The following LRFN2 variants were observed in gnomAD, a reference collection of about 807,000 sequenced individuals.
The protein encoded by LRFN2 is leucine rich repeat and fibronectin type III domain containing 2.
In LRFN2, 18 loss-of-function variants were observed where a neutral mutation model predicts 37.3. That is an observed-to-expected ratio of 0.48 (90% confidence interval 0.33 to 0.72). The LOEUF (loss-of-function observed/expected upper bound fraction) is 0.72. Among genes scored for constraint, LRFN2 ranks in the 30% least tolerant of loss-of-function variants. The pLI, the probability that LRFN2 is intolerant of heterozygous loss-of-function variation, is 0.02. For synonymous variants in LRFN2, 556 were observed against 466.6 expected, an observed-to-expected ratio of 1.19 and a Z score of -2.47; for missense variants, 1,006 against 1,060.7, an observed-to-expected ratio of 0.95 and a Z score of 0.72.
intron 1 of LRFN2, among the ~76,000 whole-genome samples, chr6:40,494,671 A>T (rs1765181111): frequency 6.6e-6 from 1 of 151,974 alleles, no homozygotes; most frequent in Non-Finnish European, 1.5e-5. Flanking sequence ...TCTCTTCAAC[A>T]TCCCCTCACA....
At chr6:40,507,585 G>A (rs1765578911) in intron 1 of LRFN2, among the ~76,000 whole-genome samples, 2 of 152,170 alleles carry the variant, frequency 1.3e-5, no homozygotes, top group African/African-American at 4.8e-5. Context: ...TTTAAGGTTG[G>A]GCAGGCCGTT....
chr6:40,529,408 G>T (rs1228166580), intron 1 of LRFN2, among the ~76,000 whole-genome samples: 1 of 152,158 alleles, frequency 6.6e-6, no homozygotes, highest in East Asian at 1.9e-4. Context: ...TTAAATTTGT[G>T]GACCAAACTG....
chr6:40,557,976 G>A lies in LRFN2; in HGVS notation c.-19+28965C>T, dbSNP rs1766921882. ...GGTTTTGCTGTTACCTGGTTTCTAA[G>A]TTTTGGGCAAGGATTCGCTTGTCCA... On this transcript the variant is annotated intron_variant, in intron 1 of 2. Transcript: ENST00000338305. 2.0e-5 allele frequency among the ~76,000 whole-genome samples: 3 copies of A among 152,194 alleles called. No individual in the cohort carries two copies. In the South Asian group the frequency reaches 6.2e-4, roughly 32 times the overall value.
chr6:40,488,486 T>C (rs1478829239), intron 1 of LRFN2, among the ~76,000 whole-genome samples: 1 of 152,116 alleles, frequency 6.6e-6, no homozygotes, highest in Non-Finnish European at 1.5e-5. Flanking sequence ...GAAGCCTTCC[T>C]GGACCTCTTG....
At chr6:40,504,022 G>T (rs555693427) in intron 1 of LRFN2, among the ~76,000 whole-genome samples, 1 of 152,068 alleles carries the variant, frequency 6.6e-6, no homozygotes, top group Admixed American at 6.5e-5. Flanking sequence ...TAGGAGGGTC[G>T]CCAGAGGGCT....
chr6:40,525,505 C>T (rs1479962071), intron 1 of LRFN2, among the ~76,000 whole-genome samples: 1 of 152,196 alleles, frequency 6.6e-6, no homozygotes. Context: ...ATCCCCAGTT[C>T]CAGCCGGCCT....
intron 2 of LRFN2, among the ~76,000 whole-genome samples, chr6:40,408,208 G>A (rs1186077829): frequency 2.0e-5 from 3 of 152,192 alleles, no homozygotes; most frequent in Non-Finnish European, 4.4e-5. Flanking sequence ...CCACTCAAAT[G>A]TGGTTAAAAT....
At chr6:40,490,452 C>T (rs542176959) in intron 1 of LRFN2, among the ~76,000 whole-genome samples, 1 of 152,172 alleles carries the variant, frequency 6.6e-6, no homozygotes, top group Non-Finnish European at 1.5e-5. Context: ...ACCCTCAGAG[C>T]CCTGTGGCCC....
At chr6:40,582,935 C>T (rs1299475258) in intron 1 of LRFN2, among the ~76,000 whole-genome samples, 1 of 152,142 alleles carries the variant, frequency 6.6e-6, no homozygotes, top group East Asian at 1.9e-4. Flanking sequence ...TCAGGTGATG[C>T]TGATGCTGGT....
intron 1 of LRFN2, among the ~76,000 whole-genome samples, chr6:40,518,605 G>C (rs1484778905): frequency 1.3e-5 from 2 of 152,146 alleles, no homozygotes; most frequent in Non-Finnish European, 2.9e-5. Context: ...CCCCAGGAAA[G>C]CTGGCTAGCA....
At chr6:40,567,484 A>G (rs1767110635) in intron 1 of LRFN2, among the ~76,000 whole-genome samples, 3 of 152,128 alleles carry the variant, frequency 2.0e-5, no homozygotes. Flanking sequence ...TGTCCACTTC[A>G]TTCCTTAAAA....
intron 1 of LRFN2, among the ~76,000 whole-genome samples, chr6:40,506,335 C>G (rs1013923724): frequency 2.0e-5 from 3 of 152,170 alleles, no homozygotes; most frequent in Non-Finnish European, 4.4e-5. Context: ...TGTGCAGGAA[C>G]TTGAACTGAA....
intron 1 of LRFN2, among the ~76,000 whole-genome samples, chr6:40,461,719 C>T (rs1013870390): frequency 4.0e-5 from 6 of 151,662 alleles, no homozygotes; most frequent in South Asian, 4.2e-4. Context: ...GTAGGAGAGG[C>T]GAGGGAGATT....
intron 1 of LRFN2, among the ~76,000 whole-genome samples, chr6:40,466,255 C>G (rs1764463825): frequency 6.6e-6 from 1 of 152,146 alleles, no homozygotes; most frequent in Non-Finnish European, 1.5e-5. Context: ...AAGGAGCAGG[C>G]AGCAAGGATA....
chr6:40,487,903 T>TC (rs58704390), intron 1 of LRFN2, among the ~76,000 whole-genome samples: 26,665 of 152,022 alleles, frequency 0.18, 4,237 homozygotes, highest in African/African-American at 0.42. Context: ...TAACCCCCTT[T>TC]CCCAATCTCA....
At chr6:40,491,408 GAA>G (rs1441139499) in intron 1 of LRFN2, among the ~76,000 whole-genome samples, 2 of 152,252 alleles carry the variant, frequency 1.3e-5, no homozygotes, top group Admixed American at 6.5e-5. Context: ...AAGTGCCAAA[GAA>G]AGAGTAGCCG....
intron 2 of LRFN2, among the ~76,000 whole-genome samples, chr6:40,424,252 G>C (rs1763295085): frequency 6.6e-6 from 1 of 152,168 alleles, no homozygotes; most frequent in South Asian, 2.1e-4. Flanking sequence ...ATGAGACTGA[G>C]TCTCGACTAA....
At chr6:40,448,133 C>A (rs374680354) in intron 1 of LRFN2, among the ~76,000 whole-genome samples, 1 of 152,120 alleles carries the variant, frequency 6.6e-6, no homozygotes, top group Non-Finnish European at 1.5e-5. Flanking sequence ...CCTTCACACC[C>A]GTGAATCCTT....
chr6:40,574,519 G>T (rs949930650), intron 1 of LRFN2, among the ~76,000 whole-genome samples: 6 of 152,152 alleles, frequency 3.9e-5, no homozygotes, highest in African/African-American at 1.4e-4. Context: ...CCATCACGGG[G>T]TGGGGGGTGG....
Sources: gnomAD v4.1 joint callset for allele counts (sites outside exome capture counted in the v4.1 genomes callset) on GRCh38, gnomAD v4.1.1 for gene constraint, MANE v1.5 for transcripts, NCBI Gene and HGNC (gene_info 2026-07-23, HGNC 2026-07-21) for gene names.